Variants in ZMAT4 observed in about 807,000 individuals in gnomAD.
ZMAT4 encodes zinc finger matrin-type protein 4.
ZMAT4 carries 17 observed loss-of-function variants against 28.7 expected under a neutral mutation model. That is an observed-to-expected ratio of 0.59 (90% CI 0.41 to 0.89). The LOEUF is 0.89. Among genes scored for constraint, ZMAT4 ranks in the 40% least tolerant of loss-of-function variants. ZMAT4 has a pLI of 0.00. For missense variants in ZMAT4, 240 were observed against 283.8 expected, an observed-to-expected ratio of 0.85 and a Z score of 1.11; for synonymous variants, 117 against 109.2, an observed-to-expected ratio of 1.07 and a Z score of -0.44.
chr8:40,560,394 C>A (rs564663944), intron 6 of ZMAT4, among the ~76,000 whole-genome samples: 2 of 151,886 alleles, frequency 1.3e-5, no homozygotes, highest in South Asian at 4.2e-4. Context: ...AATGCTTTTT[C>A]TTGGAAAACA....
chr8:40,872,439 C>G (rs957243580), intron 1 of ZMAT4, among the ~76,000 whole-genome samples: 1 of 152,172 alleles, frequency 6.6e-6, no homozygotes, highest in Admixed American at 6.5e-5. Flanking sequence ...CCCAGTACCC[C>G]CCCCAACCCT....
intron 1 of ZMAT4, among the ~76,000 whole-genome samples, chr8:40,875,177 T>G (rs1399153419): frequency 1.3e-5 from 2 of 152,200 alleles, no homozygotes; most frequent in African/African-American, 4.8e-5. Flanking sequence ...CCCTGGTGGA[T>G]CTCTGGCTTC....
At chr8:40,584,074 G>C (rs1321028918) in intron 5 of ZMAT4, among the ~76,000 whole-genome samples, 1 of 152,114 alleles carries the variant, frequency 6.6e-6, no homozygotes, top group Non-Finnish European at 1.5e-5. Flanking sequence ...AAGAAAATGG[G>C]AGGCAGGTTT....
chr8:40,667,754 G>C (rs1402508303), intron 5 of ZMAT4, among the ~76,000 whole-genome samples: 1 of 149,596 alleles, frequency 6.7e-6, no homozygotes, highest in Admixed American at 6.7e-5. Flanking sequence ...TGAATGATTT[G>C]ATATATATTA....
At chr8:40,696,645 G>A (rs1195644804) in intron 4 of ZMAT4, among the ~76,000 whole-genome samples, 1 of 152,122 alleles carries the variant, frequency 6.6e-6, no homozygotes, top group Non-Finnish European at 1.5e-5. Context: ...GGTTTTACTT[G>A]TGAAAGTTAA....
At chr8:40,778,365 G>A (rs1483775518) in intron 2 of ZMAT4, among the ~76,000 whole-genome samples, 1 of 152,148 alleles carries the variant, frequency 6.6e-6, no homozygotes, top group Non-Finnish European at 1.5e-5. Context: ...GTAAAATAAT[G>A]TGCACAGAAC....
intron 2 of ZMAT4, among the ~76,000 whole-genome samples, chr8:40,771,818 G>T (rs1409952813): frequency 2.0e-5 from 3 of 152,208 alleles, no homozygotes. Flanking sequence ...TGGAGGAAAA[G>T]CTACATCTGA....
intron 5 of ZMAT4, among the ~76,000 whole-genome samples, chr8:40,658,559 G>A (rs1277777521): frequency 2.6e-5 from 4 of 151,056 alleles, no homozygotes; most frequent in African/African-American, 4.9e-5. Flanking sequence ...GATGTCTGGC[G>A]TTGGCTCCAT....
intron 2 of ZMAT4, among the ~76,000 whole-genome samples, chr8:40,803,570 C>T (rs193014280): frequency 3.3e-5 from 5 of 152,230 alleles, no homozygotes; most frequent in African/African-American, 1.2e-4. Context: ...TGGCCAAAAT[C>T]CAGAACACTG....
chr8:40,541,448 G>C (rs141161354), intron 6 of ZMAT4, among the ~76,000 whole-genome samples: 35 of 152,182 alleles, frequency 2.3e-4, no homozygotes, highest in African/African-American at 7.7e-4. Context: ...TGCCCACTTA[G>C]GTACCCAGTA....
chr8:40,852,387 T>C (rs1272645790), intron 1 of ZMAT4, among the ~76,000 whole-genome samples: 1 of 152,244 alleles, frequency 6.6e-6, no homozygotes, highest in Non-Finnish European at 1.5e-5. Flanking sequence ...ACATGGTTTT[T>C]ACATTTTTGC....
At chr8:40,867,579 C>A (rs1174061157) in intron 1 of ZMAT4, among the ~76,000 whole-genome samples, 3 of 152,220 alleles carry the variant, frequency 2.0e-5, no homozygotes, top group South Asian at 2.1e-4. Flanking sequence ...TCCAGCCATA[C>A]CAGCCTCCTT....
chr8:40,728,333 T>A (rs1360160992), intron 3 of ZMAT4, among the ~76,000 whole-genome samples: 2 of 152,210 alleles, frequency 1.3e-5, no homozygotes, highest in African/African-American at 4.8e-5. Context: ...ACTCTAATAC[T>A]TCCGTACCTT....
chr8:40,865,630 G>A (rs1817649733), intron 1 of ZMAT4, among the ~76,000 whole-genome samples: 1 of 152,184 alleles, frequency 6.6e-6, no homozygotes, highest in Non-Finnish European at 1.5e-5. Flanking sequence ...AGCAACCGTG[G>A]TGGGAGGGAT....
intron 5 of ZMAT4, among the ~76,000 whole-genome samples, chr8:40,613,121 C>G (rs1322506983): frequency 6.6e-6 from 1 of 150,888 alleles, no homozygotes; most frequent in East Asian, 2.0e-4. Context: ...TCTATCCAGT[C>G]ATTCTCTAAA....
chr8:40,793,544 C>T (rs115692531), intron 2 of ZMAT4, among the ~76,000 whole-genome samples: 2,034 of 152,290 alleles, frequency 0.013, 48 homozygotes, highest in African/African-American at 0.046. Flanking sequence ...TCCTTTCAAG[C>T]GTTACAAATT....
intron 5 of ZMAT4, among the ~76,000 whole-genome samples, chr8:40,673,777 T>A (rs1808785897): frequency 1.3e-5 from 2 of 152,118 alleles, no homozygotes; most frequent in African/African-American, 4.8e-5. Context: ...ACAGAAGTAA[T>A]CCTCACGCTA....
intron 6 of ZMAT4, among the ~76,000 whole-genome samples, chr8:40,580,126 C>T (rs1329982202): frequency 1.3e-5 from 2 of 150,704 alleles, no homozygotes; most frequent in Non-Finnish European, 2.9e-5. Context: ...GATTCTCCTG[C>T]CTCAGCCTCC....
At chr8:40,878,723 G>A (rs79902170) in intron 1 of ZMAT4, among the ~76,000 whole-genome samples, 5,402 of 152,272 alleles carry the variant, frequency 0.035, 140 homozygotes, top group Non-Finnish European at 0.048. Context: ...CACCGTTCTC[G>A]CCACGCAAGG....
Sources: allele counts gnomAD v4.1 joint callset (sites outside exome capture counted in the v4.1 genomes callset), GRCh38; gene constraint gnomAD v4.1.1; transcripts MANE v1.5; gene names NCBI Gene and HGNC (gene_info 2026-07-23, HGNC 2026-07-21).